EHBP1: variants seen among roughly 807,000 people sequenced by gnomAD.
EHBP1 encodes the protein EH domain binding protein 1.
In EHBP1, 55 loss-of-function variants were observed where a neutral mutation model predicts 144.0. The ratio of observed to expected loss-of-function variants is 0.38; its 90% CI spans 0.31 to 0.48. The LOEUF (loss-of-function observed/expected upper bound fraction) is 0.48. EHBP1 is among the 20% of genes least tolerant of loss of function. The probability of loss-of-function intolerance (pLI) is 0.98; values close to 1 mark genes in which losing one functional copy is unlikely to be tolerated. For missense variants in EHBP1, 1,200 were observed against 1,364.2 expected (o/e 0.88, Z 1.90); for synonymous variants, 469 against 472.7 (o/e 0.99, Z 0.10).
At chr2:63,032,746 C>T (rs6705798) in intron 19 of EHBP1, among the ~76,000 whole-genome samples, 104,196 of 151,790 alleles carry the variant, frequency 0.69, 36,500 homozygotes, top group African/African-American at 0.83. Flanking sequence ...AGTCCATGCA[C>T]AGGGGTCTGT....
chr2:62,770,460 T>C (rs760965817), intron 4 of EHBP1, among the ~76,000 whole-genome samples: 18 of 152,114 alleles, frequency 1.2e-4, no homozygotes, highest in Non-Finnish European at 2.2e-4. Flanking sequence ...AATCACAAGA[T>C]AGCATCTCAC....
At chr2:62,796,901 T>A (rs556954758) in intron 5 of EHBP1, among the ~76,000 whole-genome samples, 1 of 151,892 alleles carries the variant, frequency 6.6e-6, no homozygotes, top group African/African-American at 2.4e-5. Context: ...TTCTCCCTCC[T>A]CCGTAGGCCC....
chr2:62,696,947 G>C (rs1200171976), intron 1 of EHBP1, among the ~76,000 whole-genome samples: 1 of 152,112 alleles, frequency 6.6e-6, no homozygotes, highest in East Asian at 1.9e-4. Flanking sequence ...GTGAAAATAG[G>C]CCTTTGTTTT....
rs1343839542 is a variant in EHBP1 at position 63,031,229 on chromosome 2, G to C, written c.3104-6306G>C. Among the ~76,000 whole-genome samples, 3 of 152,210 alleles carry C rather than the reference G, an allele frequency of 2.0e-5. No individual in the cohort carries two copies. The South Asian group carries it at 6.2e-4, about 31-fold the overall frequency. On this transcript the variant is annotated intron_variant, in intron 19 of 22. Transcript: ENST00000431489. ...CTGTGAGAAGGCTATAGGACAGGGA[G>C]TGGGTAGAATGGAGTCAGCCAGATG... is the stretch of plus-strand genomic sequence containing the variant.
At chr2:62,792,156 A>G (rs1272897520) in intron 5 of EHBP1, among the ~76,000 whole-genome samples, 2 of 152,068 alleles carry the variant, frequency 1.3e-5, no homozygotes, top group Non-Finnish European at 2.9e-5. Flanking sequence ...CTTTTAAGGT[A>G]TGTCAGTTGA....
intron 2 of EHBP1, among the ~76,000 whole-genome samples, chr2:62,710,206 T>A (rs2035011794): frequency 6.6e-6 from 1 of 152,152 alleles, no homozygotes; most frequent in East Asian, 1.9e-4. Flanking sequence ...TACAGGTGTT[T>A]AAGTAAACTG....
chr2:63,014,823 C>G (rs1408726672), intron 19 of EHBP1, among the ~76,000 whole-genome samples: 2 of 152,080 alleles, frequency 1.3e-5, no homozygotes, highest in Non-Finnish European at 2.9e-5. Context: ...ACTAAAGATA[C>G]AAAAATTAGC....
At chr2:62,688,380 C>A (rs536444281) in intron 1 of EHBP1, among the ~76,000 whole-genome samples, 1 of 152,020 alleles carries the variant, frequency 6.6e-6, no homozygotes, top group African/African-American at 2.4e-5. Context: ...AATTATACAT[C>A]TTTATGGGGT....
At position 62,764,322 on chromosome 2, in the gene EHBP1, T is replaced by A; in HGVS notation, c.219T>A (p.Pro73=). 6.3e-7 allele frequency: 1 copy of A among 1,588,416 alleles called. No homozygotes were observed. Among genetic ancestry groups the A allele is most frequent in the Non-Finnish European group, 8.6e-7 (1 of 1,169,212 alleles). The part of the protein sequence containing the change: ...KNPYRGVVVW[P]VPENIEITVT... ...CCTATCGTGGTGTTGTTGTGTGGCC[T>A]GTTCCTGAAAACATTGAAATCACTG... The change falls in exon 4 of 23, where the codon CCT becomes CCA. Residue 73 remains proline, a synonymous_variant. Coordinates refer to ENST00000431489, the MANE Select transcript of EHBP1 (RefSeq NM_001142616.3).
At chr2:62,965,445 G>A (rs2058204403) in intron 14 of EHBP1, among the ~76,000 whole-genome samples, 1 of 152,166 alleles carries the variant, frequency 6.6e-6, no homozygotes, top group Non-Finnish European at 1.5e-5. Flanking sequence ...TAATGAGAGT[G>A]AAATTGAAAT....
At chr2:62,990,669 C>G (rs2059378149) in intron 15 of EHBP1, 47 bp from the exon 16 acceptor site, 1 of 1,596,472 alleles carries the variant, frequency 6.3e-7, no homozygotes, top group African/African-American at 1.3e-5. Context: ...GCCTACATAT[C>G]TAAATGCATC....
At chr2:62,995,404 G>A (rs1259691082) in intron 18 of EHBP1, among the ~76,000 whole-genome samples, 1 of 151,980 alleles carries the variant, frequency 6.6e-6, no homozygotes, top group African/African-American at 2.4e-5. Context: ...TTACTTACCA[G>A]TTCAAAAGGT....
chr2:62,831,688 G>A (rs535126448), intron 7 of EHBP1, among the ~76,000 whole-genome samples: 1 of 152,098 alleles, frequency 6.6e-6, no homozygotes, highest in South Asian at 2.1e-4. Flanking sequence ...TTATTAATTG[G>A]TCAATAAATA....
At chr2:62,712,021 T>A (rs2035190346) in intron 2 of EHBP1, among the ~76,000 whole-genome samples, 1 of 152,184 alleles carries the variant, frequency 6.6e-6, no homozygotes, top group African/African-American at 2.4e-5. Flanking sequence ...GGGTTCAAGG[T>A]ACATTTTTTG....
intron 19 of EHBP1, among the ~76,000 whole-genome samples, chr2:63,021,398 C>T (rs928321709): frequency 6.6e-6 from 1 of 152,124 alleles, no homozygotes; most frequent in African/African-American, 2.4e-5. Context: ...ATAATTTTCA[C>T]AGATAGATTA....
At chr2:62,800,661 A>G (rs903372430) in intron 5 of EHBP1, among the ~76,000 whole-genome samples, 15 of 152,210 alleles carry the variant, frequency 9.9e-5, no homozygotes, top group East Asian at 1.9e-4. Flanking sequence ...GTGGTGGTCA[A>G]TGAAGCATTT....
intron 7 of EHBP1, among the ~76,000 whole-genome samples, chr2:62,851,807 G>A (rs1407811240): frequency 6.6e-6 from 1 of 151,800 alleles, no homozygotes; most frequent in Non-Finnish European, 1.5e-5. Context: ...TAGGAGTGAA[G>A]TAGGGATTTA....
At chr2:62,735,241 C>T (rs1217741775) in intron 2 of EHBP1, among the ~76,000 whole-genome samples, 1 of 151,984 alleles carries the variant, frequency 6.6e-6, no homozygotes, top group African/African-American at 2.4e-5. Flanking sequence ...CATTTTCTCT[C>T]CTTTCTTGGC....
At chr2:62,804,098 A>G (rs1218070570) in intron 5 of EHBP1, among the ~76,000 whole-genome samples, 2 of 152,224 alleles carry the variant, frequency 1.3e-5, no homozygotes, top group African/African-American at 2.4e-5. Context: ...TGCCTTATTT[A>G]GGAAGGTCTT....
Sources: allele counts gnomAD v4.1 joint callset (sites outside exome capture counted in the v4.1 genomes callset), GRCh38; gene constraint gnomAD v4.1.1; transcripts MANE v1.5; gene names NCBI Gene and HGNC (gene_info 2026-07-23, HGNC 2026-07-21).